Variants in SDK1 observed in about 807,000 individuals in gnomAD.
The protein encoded by SDK1 is protein sidekick-1.
Under a neutral mutation model 245.5 loss-of-function variants are expected in SDK1, and 157 were observed. The ratio of observed to expected loss-of-function variants is 0.64; its 90% CI spans 0.56 to 0.73. The LOEUF (loss-of-function observed/expected upper bound fraction) is 0.73, where lower values mean the gene tolerates loss of function less well. Ranked by LOEUF, SDK1 falls within the 30% of genes least tolerant of loss-of-function variation. SDK1 has a pLI of 0.00. For missense variants in SDK1, 3,583 were observed against 3,002.3 expected (o/e 1.19, Z -4.52); for synonymous variants, 1,647 against 1,278.5 (o/e 1.29, Z -6.15).
At chr7:3,905,536 T>G (rs1778869683) in intron 5 of SDK1, among the ~76,000 whole-genome samples, 2 of 152,224 alleles carry the variant, frequency 1.3e-5, no homozygotes, top group African/African-American at 4.8e-5. Context: ...TTCCTTATCT[T>G]TGCTGTCTAC....
intron 4 of SDK1, among the ~76,000 whole-genome samples, chr7:3,665,987 G>A (rs1783519766): frequency 6.6e-6 from 1 of 152,070 alleles, no homozygotes; most frequent in African/African-American, 2.4e-5. Context: ...ATTCCAATTA[G>A]TCAGGGGGTT....
chr7:4,067,725 T>C, intron 19 of SDK1, 113 bp from the exon 20 acceptor site: 1 of 702,518 alleles, frequency 1.4e-6, no homozygotes, highest in South Asian at 1.9e-5. Flanking sequence ...CCTGCAGGGT[T>C]TTGCAGCCCC....
intron 44 of SDK1, among the ~76,000 whole-genome samples, chr7:4,249,808 T>C (rs1045938953): frequency 2.0e-5 from 3 of 152,148 alleles, no homozygotes; most frequent in Admixed American, 1.3e-4. Context: ...CTTAGATCGT[T>C]TTGGAAGTGC....
At chr7:4,188,969 A>G (rs1287065305) in intron 35 of SDK1, among the ~76,000 whole-genome samples, 1 of 151,684 alleles carries the variant, frequency 6.6e-6, no homozygotes, top group Non-Finnish European at 1.5e-5. Context: ...CATTTTTTTC[A>G]TGTTTAGGAG....
intron 1 of SDK1, among the ~76,000 whole-genome samples, chr7:3,328,687 G>T (rs555707085): frequency 1.3e-5 from 2 of 151,970 alleles, no homozygotes; most frequent in East Asian, 3.9e-4. Flanking sequence ...CAAATAGGAT[G>T]ATGCGCTCTC....
chr7:4,266,786 G>A lies in SDK1; in HGVS notation c.*1402G>A, dbSNP rs141851338. On this transcript the variant is annotated 3_prime_UTR_variant, in exon 45 of 45. Transcript: ENST00000404826. ...GGGAGCACTGCTGGTGCCCACTGGCGTGTGTGCCCCGGGTCCCTGTAAGTG... is the reference window on the plus strand; with the variant it reads ...GGGAGCACTGCTGGTGCCCACTGGCATGTGTGCCCCGGGTCCCTGTAAGTG... The A allele has an allele frequency of 6.6e-5, 65 of 985,076 alleles. No individual in the cohort carries two copies. Among genetic ancestry groups the A allele is most frequent in the Middle Eastern group, 5.2e-4 (1 of 1,914 alleles). The allele number at this position is 985,076 out of a possible 1,614,324, so 61.0% of individuals were successfully genotyped here. A position where few individuals can be genotyped will look rare whatever the true frequency, so the allele number is the denominator to read the frequency against.
chr7:3,686,887 C>G (rs1562371204), intron 4 of SDK1, among the ~76,000 whole-genome samples: 1 of 152,146 alleles, frequency 6.6e-6, no homozygotes. Context: ...CCCTTGTTGT[C>G]TGGTGCCTGG....
At chr7:3,489,381 TTAAA>T (rs1468329128) in intron 1 of SDK1, among the ~76,000 whole-genome samples, 2 of 152,244 alleles carry the variant, frequency 1.3e-5, no homozygotes, top group Non-Finnish European at 2.9e-5. Context: ...GATTTTTGTC[TTAAA>T]TAAGTAATTG....
chr7:3,569,683 A>G (rs548348393), intron 1 of SDK1, among the ~76,000 whole-genome samples: 1 of 152,366 alleles, frequency 6.6e-6, no homozygotes, highest in African/African-American at 2.4e-5. Flanking sequence ...CCATGACTAT[A>G]GAATTATTCC....
At chr7:3,889,879 G>A (rs1224954477) in intron 5 of SDK1, among the ~76,000 whole-genome samples, 1 of 152,104 alleles carries the variant, frequency 6.6e-6, no homozygotes, top group Non-Finnish European at 1.5e-5. Context: ...TGTCTTCCAA[G>A]GCCAGTCAAC....
At chr7:3,338,916 A>C (rs1349315050) in intron 1 of SDK1, among the ~76,000 whole-genome samples, 2 of 152,216 alleles carry the variant, frequency 1.3e-5, no homozygotes, top group African/African-American at 4.8e-5. Flanking sequence ...AAACAGAAGA[A>C]ACAAAATAAC....
chr7:3,858,630 A>G (rs1472351161), intron 5 of SDK1, among the ~76,000 whole-genome samples: 1 of 151,986 alleles, frequency 6.6e-6, no homozygotes, highest in East Asian at 1.9e-4. Flanking sequence ...AGCAGGGGGA[A>G]TAGGGAATGG....
chr7:3,582,523 T>A (rs960806228), intron 1 of SDK1, among the ~76,000 whole-genome samples: 7 of 151,782 alleles, frequency 4.6e-5, no homozygotes, highest in African/African-American at 1.7e-4. Context: ...CCCCAGTGTC[T>A]GCTGTGGAGG....
At chr7:3,857,552 T>G (rs1353929034) in intron 5 of SDK1, among the ~76,000 whole-genome samples, 1 of 152,020 alleles carries the variant, frequency 6.6e-6, no homozygotes, top group African/African-American at 2.4e-5. Flanking sequence ...CCACGTGTGG[T>G]GGTGCATGCC....
At chr7:4,057,699 T>G (rs1384622989) in intron 19 of SDK1, among the ~76,000 whole-genome samples, 4 of 152,150 alleles carry the variant, frequency 2.6e-5, no homozygotes, top group Admixed American at 2.6e-4. Context: ...GGCCCAAGGA[T>G]TGGCCCACCT....
At chr7:4,028,750 C>T (rs1376009061) in intron 17 of SDK1, among the ~76,000 whole-genome samples, 1 of 152,142 alleles carries the variant, frequency 6.6e-6, no homozygotes, top group Middle Eastern at 3.2e-3. Flanking sequence ...TTGATCGGCT[C>T]CCTGTCAAGA....
intron 33 of SDK1, 108 bp downstream of exon 33, chr7:4,174,465 A>T: frequency 7.9e-7 from 1 of 1,264,766 alleles, no homozygotes; most frequent in Non-Finnish European, 1.1e-6. Flanking sequence ...AGGCTGAGAG[A>T]AGAGGCAGCC....
intron 5 of SDK1, among the ~76,000 whole-genome samples, chr7:3,836,919 TAGAG>T (rs1780040507): frequency 6.6e-6 from 1 of 152,128 alleles, no homozygotes. Flanking sequence ...TCCTGGCTCT[TAGAG>T]AGCCACCTTT....
chr7:3,730,447 G>C (rs1012815530), intron 4 of SDK1, among the ~76,000 whole-genome samples: 1 of 152,146 alleles, frequency 6.6e-6, no homozygotes, highest in African/African-American at 2.4e-5. Context: ...TTTTCAAAAA[G>C]CAGATTGTGT....
Sources: gnomAD v4.1 joint callset for allele counts (sites outside exome capture counted in the v4.1 genomes callset) on GRCh38, gnomAD v4.1.1 for gene constraint, MANE v1.5 for transcripts, NCBI Gene and HGNC (gene_info 2026-07-23, HGNC 2026-07-21) for gene names.